Variants in MCUR1 observed in about 807,000 individuals in gnomAD.
MCUR1 encodes the protein MCU regulator 1.
Under a neutral mutation model 42.0 loss-of-function variants are expected in MCUR1, and 37 were observed. The observed-to-expected ratio is 0.88, with a 90% CI of 0.68 to 1.16. The LOEUF is 1.16. MCUR1 is among the 50% of genes most tolerant of loss of function. The probability of loss-of-function intolerance (pLI) is 0.00; values close to 1 mark genes in which losing one functional copy is unlikely to be tolerated. For synonymous variants in MCUR1, 229 were observed against 196.2 expected (o/e 1.17, Z -1.40); for missense variants, 469 against 468.4 (o/e 1.00, Z -0.01).
At chr6:13,810,849 A>G (rs377744936) in intron 1 of MCUR1, among the ~76,000 whole-genome samples, 3 of 152,340 alleles carry the variant, frequency 2.0e-5, no homozygotes, top group East Asian at 3.9e-4. Flanking sequence ...TGTTGGTAAA[A>G]CTGGGCCCTG....
In MCUR1 at chr6:13,801,357, A is replaced by G. The variant is rs755680560; in HGVS notation, c.672T>C (p.Ile224=). ...TAATCATATCCTTTTTCACATTCGCAATCTGAGACATTACTTGCTGAAAAG... is the reference window on the plus strand; with the variant it reads ...TAATCATATCCTTTTTCACATTCGCGATCTGAGACATTACTTGCTGAAAAG... ...EITFQQVMSQ[I]ANVKKDMIIL... The change falls in exon 4 of 9, where the codon ATT becomes ATC. Residue 224 remains isoleucine, a synonymous_variant. Coordinates refer to ENST00000379170, the MANE Select transcript of MCUR1 (RefSeq NM_001031713.4). 11 of 1,612,438 alleles carry G rather than the reference A, an allele frequency of 6.8e-6. No homozygotes were observed. In the Admixed American group the frequency reaches 1.2e-4, roughly 17 times the overall value.
In MCUR1 at chr6:13,802,271, T is replaced by G. The variant is rs746815385; in HGVS notation, c.611A>C (p.Tyr204Ser). Residue 204 changes from tyrosine to serine, a missense_variant, in exon 3 of 9, where the codon TAC (tyrosine) becomes TCC (serine). Coordinates refer to ENST00000379170, the MANE Select transcript of MCUR1 (RefSeq NM_001031713.4). ...CTGCATCTTGGTGACCATATCTTTG[T>G]AGACGATGTCCATGTTGGCCTCCAG... Reference protein sequence around the residue: ...KILEANMDIVYKDMVTKMQQE... With the variant: ...KILEANMDIVSKDMVTKMQQE... 11 of 1,613,866 alleles carry G rather than the reference T, an allele frequency of 6.8e-6. No homozygotes were observed. The African/African-American group carries it at 1.3e-4, about 20-fold the overall frequency.
intron 6 of MCUR1, 28 bp downstream of exon 6, chr6:13,798,805 A>T (rs764348234): frequency 5.2e-5 from 82 of 1,564,622 alleles, no homozygotes; most frequent in Non-Finnish European, 6.8e-5. Context: ...AAATTAATTC[A>T]TAATGTGTTT....
intron 7 of MCUR1, among the ~76,000 whole-genome samples, chr6:13,792,916 T>A (rs1396811984): frequency 6.6e-6 from 1 of 152,036 alleles, no homozygotes; most frequent in Non-Finnish European, 1.5e-5. Context: ...AAAAATAGAA[T>A]AAGACTTCTC....
rs1561732410 is a variant in MCUR1 at position 13,800,394 on chromosome 6, T to C, written c.742-12A>G. The C allele has an allele frequency of 4.4e-6, 6 of 1,375,436 alleles. No homozygotes were observed. The highest frequency in any genetic ancestry group is 2.0e-5 in the Admixed American group (1 of 49,108). 85.2% of individuals were successfully genotyped at this position (1,375,436 alleles called of 1,614,324 possible). On this transcript the variant is annotated splice_polypyrimidine_tract_variant and intron_variant, in intron 4 of 8. Coordinates refer to ENST00000379170, the MANE Select transcript of MCUR1 (RefSeq NM_001031713.4). ...TCGAGTTTTATTTTCTAAAAACACA[T>C]AAAAAAAAAGTCATTAGAAAGAACA...
chr6:13,801,502 G>C (rs978310567), intron 3 of MCUR1, 113 bp from the exon 4 acceptor site: 1 of 707,634 alleles, frequency 1.4e-6, no homozygotes, highest in African/African-American at 1.8e-5. Flanking sequence ...GACACAAAAA[G>C]AGGTTCAGTA....
intron 6 of MCUR1, among the ~76,000 whole-genome samples, chr6:13,795,397 C>T (rs1414529895): frequency 6.6e-6 from 1 of 152,182 alleles, no homozygotes; most frequent in Non-Finnish European, 1.5e-5. Flanking sequence ...TTAAAAATAA[C>T]ATCTATGTAG....
intron 7 of MCUR1, among the ~76,000 whole-genome samples, 165 bp from the exon 8 acceptor site, chr6:13,792,157 G>A (rs145020911): frequency 6.6e-6 from 1 of 152,276 alleles, no homozygotes; most frequent in African/African-American, 2.4e-5. Flanking sequence ...CGCTGCATTG[G>A]TCAGGACCCT....
chr6:13,808,423 A>G (rs1484641065), intron 1 of MCUR1, among the ~76,000 whole-genome samples: 2 of 152,200 alleles, frequency 1.3e-5, no homozygotes, highest in South Asian at 2.1e-4. Context: ...TGATTTGAAA[A>G]TATTTTCTCC....
chr6:13,793,615 A>G (rs754432460), intron 7 of MCUR1, among the ~76,000 whole-genome samples: 2 of 152,214 alleles, frequency 1.3e-5, no homozygotes, highest in African/African-American at 4.8e-5. Context: ...GGGAATGTAT[A>G]AAGGGTGCAG....
In MCUR1 at chr6:13,800,335, T is replaced by C. The variant is rs745371721; in HGVS notation, c.783+6A>G. 3 of 1,556,588 alleles carry C rather than the reference T, an allele frequency of 1.9e-6. No homozygotes were observed. Among genetic ancestry groups the C allele is most frequent in the Admixed American group, 3.7e-5 (2 of 54,290 alleles). ...ACCAGCCAACAAACAGGAAAGTGAA[T>C]CTTACCATTACTTGTTGTTTTAACT... On this transcript the variant is annotated splice_donor_region_variant and intron_variant, in intron 5 of 8. Transcript: ENST00000379170.
At position 13,804,646 on chromosome 6, in the gene MCUR1, C is replaced by T. The variant is rs1005238311; in HGVS notation, c.535+2279G>A. ...AAAATTAGCCAGGCGTTGTGGCAGG[C>T]GCCTGTAGTCCCAGCTACTTGTAGT... On this transcript the variant is annotated intron_variant, in intron 2 of 8. Transcript: ENST00000379170. Among the ~76,000 whole-genome samples, 5 of 151,708 alleles carry T rather than the reference C, an allele frequency of 3.3e-5. No individual in the cohort carries two copies. The South Asian group carries it at 1.0e-3, about 32-fold the overall frequency.
chr6:13,807,386 A>T (rs1455452670), intron 1 of MCUR1, among the ~76,000 whole-genome samples: 1 of 152,184 alleles, frequency 6.6e-6, no homozygotes, highest in Non-Finnish European at 1.5e-5. Context: ...CCTACTCTGA[A>T]GATTTCATAG....
chr6:13,807,230 T>C (rs565026691), intron 1 of MCUR1, among the ~76,000 whole-genome samples, 186 bp from the exon 2 acceptor site: 1 of 152,288 alleles, frequency 6.6e-6, no homozygotes, highest in South Asian at 2.1e-4. Context: ...TGTGCTACCA[T>C]CCCACAATCA....
chr6:13,800,413 AAG>A, intron 4 of MCUR1, 31 bp from the exon 5 acceptor site: 1 of 1,272,948 alleles, frequency 7.9e-7, no homozygotes, highest in South Asian at 1.3e-5. Context: ...AGTCATTAGA[AAG>A]AACAACATAA....
chr6:13,808,610 T>G (rs908699402), intron 1 of MCUR1, among the ~76,000 whole-genome samples: 1 of 152,216 alleles, frequency 6.6e-6, no homozygotes, highest in Non-Finnish European at 1.5e-5. Flanking sequence ...ACATGAAAAT[T>G]TACACCCATG....
intron 1 of MCUR1, among the ~76,000 whole-genome samples, chr6:13,810,601 C>G (rs1438912585): frequency 6.6e-6 from 1 of 152,084 alleles, no homozygotes; most frequent in African/African-American, 2.4e-5. Context: ...CCCGATTACC[C>G]TATAATGAAA....
intron 1 of MCUR1, among the ~76,000 whole-genome samples, chr6:13,808,712 G>A (rs1233878602): frequency 6.6e-6 from 1 of 152,066 alleles, no homozygotes; most frequent in Non-Finnish European, 1.5e-5. Context: ...AGTGGGTTCA[G>A]CTTCATTCTT....
At chr6:13,802,015 A>C (rs549924631) in intron 3 of MCUR1, among the ~76,000 whole-genome samples, 23 of 152,264 alleles carry the variant, frequency 1.5e-4, no homozygotes, top group African/African-American at 5.5e-4. Flanking sequence ...ATTTCACTGG[A>C]ATAATTTTGA....
Sources: allele counts gnomAD v4.1 joint callset (sites outside exome capture counted in the v4.1 genomes callset), GRCh38; gene constraint gnomAD v4.1.1; transcripts MANE v1.5; gene names NCBI Gene and HGNC (gene_info 2026-07-23, HGNC 2026-07-21).